Variants in KIF13A observed in about 807,000 individuals in gnomAD.
KIF13A encodes kinesin family member 13A.
A neutral mutation model predicts 212.2 loss-of-function variants in KIF13A; 79 were observed. That is an observed-to-expected ratio of 0.37 (90% confidence interval 0.31 to 0.45). The LOEUF is 0.45. Ranked by LOEUF, KIF13A falls within the 20% of genes least tolerant of loss-of-function variation. The pLI, the probability that KIF13A is intolerant of heterozygous loss-of-function variation, is 1.00. For synonymous variants in KIF13A, 789 were observed against 808.6 expected, an observed-to-expected ratio of 0.98 and a Z score of 0.41; for missense variants, 1,901 against 2,209.0, an observed-to-expected ratio of 0.86 and a Z score of 2.79.
Position 17,856,247 on chromosome 6 carries a change from G to C in KIF13A, c.221-125C>G, listed in dbSNP as rs1382632935. ...AAGTGTAGTACCGAGTGCCCACTAA[G>C]TACAGGGCTGTGTATTAAGAGCTTG... On this transcript the variant is annotated intron_variant, in intron 4 of 38. Transcript: ENST00000259711. This position sits in a 1 kb window ranked among gnomAD's most constrained non-coding sequence, Gnocchi z 4.5. 1.5e-6 allele frequency: 1 copy of C among 645,460 alleles called. No individual in the cohort carries two copies. Among genetic ancestry groups the C allele is most frequent in the Non-Finnish European group, 2.7e-6 (1 of 368,560 alleles). The allele number at this position is 645,460 out of a possible 1,614,324, so 40.0% of individuals were successfully genotyped here.
Position 17,987,138 on chromosome 6 carries a change from T to C in KIF13A, c.62A>G (p.Glu21Gly). ...CTCCACCACGCACTTGGTGTTCAGT[T>C]CCAGTTCTGAAAGCAGAGAGAAAGG... ...RVRPMNRREL[E>G]LNTKCVVEME... Residue 21 changes from glutamate (E) to glycine (G), a missense_variant, in exon 2 of 39, where the codon GAA becomes GGA. Glu to Gly is a moderately conservative substitution (Grantham distance 98, BLOSUM62 -2). Coordinates refer to ENST00000259711, the MANE Select transcript of KIF13A (RefSeq NM_022113.6). The surrounding 1 kb of genome is among the most constrained non-coding windows in gnomAD (Gnocchi z 7.7). 6.2e-7 allele frequency: 1 copy of C among 1,611,760 alleles called. No homozygotes were observed. The highest frequency in any genetic ancestry group is 8.5e-7 in the Non-Finnish European group (1 of 1,178,414).
chr6:17,899,904 T>C lies in KIF13A; in HGVS notation c.147-1724A>G, dbSNP rs746065481. On this transcript the variant is annotated intron_variant, in intron 2 of 38. Coordinates refer to ENST00000259711, the MANE Select transcript of KIF13A (RefSeq NM_022113.6). This position sits in a 1 kb window ranked among gnomAD's most constrained non-coding sequence, Gnocchi z 5.2. ...TACAAAAAACTTGAGATTTCTGCCATGAAAATTTCCTTAAGTGGAAGACAA... is the reference window on the plus strand; with the variant it reads ...TACAAAAAACTTGAGATTTCTGCCACGAAAATTTCCTTAAGTGGAAGACAA... Among the ~76,000 whole-genome samples, 3 of 152,214 alleles carry C rather than the reference T, an allele frequency of 2.0e-5. No individual in the cohort carries two copies. The highest frequency in any genetic ancestry group is 4.4e-5 in the Non-Finnish European group (3 of 68,032).
chr6:17,814,110 G>A (rs1763692470), intron 17 of KIF13A, among the ~76,000 whole-genome samples: 1 of 150,554 alleles, frequency 6.6e-6, no homozygotes, highest in Non-Finnish European at 1.5e-5. Context: ...CCGCCACCAC[G>A]CCCGGCTAAT....
rs1769993721 is a variant in KIF13A at position 17,871,340 on chromosome 6, CT to C, written c.220+2036del. ...ATTTTCTCTCTTTAAAATCTGGTGC[CT>C]TTTCTCTTTCTCTTTAAAATCTGGT... On this transcript the variant is annotated intron_variant, in intron 4 of 38. Transcript: ENST00000259711. This position sits in a 1 kb window ranked among gnomAD's most constrained non-coding sequence, Gnocchi z 4.4. Among the ~76,000 whole-genome samples, 1 of 152,046 alleles carries C rather than the reference CT, an allele frequency of 6.6e-6. No individual in the cohort carries two copies. Among genetic ancestry groups the C allele is most frequent in the Non-Finnish European group, 1.5e-5 (1 of 68,002 alleles).
At chr6:17,985,646 GA>G (rs1490191165) in intron 2 of KIF13A, among the ~76,000 whole-genome samples, 123 of 84,886 alleles carry the variant, frequency 1.4e-3, no homozygotes, top group African/African-American at 6.1e-3. Context: ...GGGGTGGGGG[GA>G]GGGGACATTC....
In KIF13A at chr6:17,895,034, T is replaced by C. The variant is rs954035639; in HGVS notation, c.159+3134A>G. 6.6e-6 allele frequency among the ~76,000 whole-genome samples: 1 copy of C among 152,236 alleles called. No homozygotes were observed. On this transcript the variant is annotated intron_variant, in intron 3 of 38. Transcript: ENST00000259711. This position sits in a 1 kb window ranked among gnomAD's most constrained non-coding sequence, Gnocchi z 4.4. The stretch of plus-strand genomic sequence containing the variant: ...TAAGAAAGGATTAAAAACAGCTGGA[T>C]CTATCTGCTGCTAAACCCTTGCACT...
intron 4 of KIF13A, among the ~76,000 whole-genome samples, chr6:17,863,252 A>G (rs1327849563): frequency 1.3e-5 from 2 of 152,164 alleles, no homozygotes; most frequent in African/African-American, 4.8e-5. Flanking sequence ...AAGGGGGTGG[A>G]GGACAGAAAG....
At position 17,784,501 on chromosome 6, in the gene KIF13A, C is replaced by T. The variant is rs573791857; in HGVS notation, c.3489-800G>A. The stretch of plus-strand genomic sequence containing the variant: ...CAGAGGCCTCTTAAAGTGAAGAGTC[C>T]CTTTAGAAATGCAAATTCTTATTTA... On this transcript the variant is annotated intron_variant, in intron 28 of 38. Coordinates refer to ENST00000259711, the MANE Select transcript of KIF13A (RefSeq NM_022113.6). 6.6e-5 allele frequency among the ~76,000 whole-genome samples: 10 copies of T among 152,096 alleles called. No homozygotes were observed. The East Asian group carries it at 1.9e-3, about 29-fold the overall frequency.
intron 2 of KIF13A, among the ~76,000 whole-genome samples, chr6:17,927,487 AG>A (rs1218502399): frequency 6.6e-6 from 1 of 152,176 alleles, no homozygotes; most frequent in African/African-American, 2.4e-5. Flanking sequence ...GTAGAAGAGC[AG>A]TTCCCAGGGG....
chr6:17,908,531 G>A (rs1773732496), intron 2 of KIF13A, among the ~76,000 whole-genome samples: 2 of 152,148 alleles, frequency 1.3e-5, no homozygotes, highest in Non-Finnish European at 2.9e-5. Flanking sequence ...TTGAGCCCGG[G>A]AGATTGAGGC....
At chr6:17,806,130 G>C (rs1198755662) in intron 18 of KIF13A, among the ~76,000 whole-genome samples, 2 of 151,818 alleles carry the variant, frequency 1.3e-5, no homozygotes, top group African/African-American at 4.8e-5. Context: ...ATGGGGTTTT[G>C]TTATGTTGCC....
Position 17,783,713 on chromosome 6 carries a change from A to G in KIF13A, c.3489-12T>C. ...CAGGAGGTGGGATCCTAAATTTAAT[A>G]ACAACATTTAATCATAACAAAATAT... On this transcript the variant is annotated splice_polypyrimidine_tract_variant and intron_variant, in intron 28 of 38. Coordinates refer to ENST00000259711, the MANE Select transcript of KIF13A (RefSeq NM_022113.6). The surrounding 1 kb of genome is among the most constrained non-coding windows in gnomAD (Gnocchi z 4.3). 6.6e-7 allele frequency: 1 copy of G among 1,511,086 alleles called. No homozygotes were observed. The highest frequency in any genetic ancestry group is 2.4e-5 in the East Asian group (1 of 42,336). 93.6% of individuals were successfully genotyped at this position (1,511,086 alleles called of 1,614,324 possible).
chr6:17,898,267 G>C lies in KIF13A; in HGVS notation c.147-87C>G. On this transcript the variant is annotated intron_variant, in intron 2 of 38. Coordinates refer to ENST00000259711, the MANE Select transcript of KIF13A (RefSeq NM_022113.6). The surrounding 1 kb of genome is among the most constrained non-coding windows in gnomAD (Gnocchi z 5.2). ...CACATCAGAGGGAAACAATGAAAGA[G>C]AAAAAAATAAGGTAAATTCAGCACC... 7.6e-7 allele frequency: 1 copy of C among 1,313,194 alleles called. No homozygotes were observed. The allele number at this position is 1,313,194 out of a possible 1,614,324, so 81.3% of individuals were successfully genotyped here.
rs766308305 is a variant in KIF13A at position 17,912,010 on chromosome 6, C to T, written c.147-13830G>A. Among the ~76,000 whole-genome samples the T allele has an allele frequency of 1.2e-4, 18 of 151,990 alleles. No homozygotes were observed. Among genetic ancestry groups the T allele is most frequent in the Non-Finnish European group, 2.5e-4 (17 of 67,996 alleles). ...AACTCCTGAGCTCAGGCGATTACCC[C>T]GTCTTGGGCTCCCAAAGTGCTGGGA... On this transcript the variant is annotated intron_variant, in intron 2 of 38. Transcript: ENST00000259711. This position sits in a 1 kb window ranked among gnomAD's most constrained non-coding sequence, Gnocchi z 4.2.
At position 17,805,629 on chromosome 6, in the gene KIF13A, AAAAAC is replaced by A. The variant is rs1762872313; in HGVS notation, c.2164-19_2164-15del. 2 of 1,584,118 alleles carry A rather than the reference AAAAAC, an allele frequency of 1.3e-6. No individual in the cohort carries two copies. The highest frequency in any genetic ancestry group is 1.7e-6 in the Non-Finnish European group (2 of 1,163,994). Reference sequence around the variant, plus strand: ...TATTGCACCTCTCTGCATAAGGAAGAAAAACAAAACAAACCCTGTTATAACTCCTT... The same window carrying A: ...TATTGCACCTCTCTGCATAAGGAAGAAAAACAAACCCTGTTATAACTCCTT... On this transcript the variant is annotated splice_polypyrimidine_tract_variant and intron_variant, in intron 18 of 38. Coordinates refer to ENST00000259711, the MANE Select transcript of KIF13A (RefSeq NM_022113.6).
At position 17,888,740 on chromosome 6, in the gene KIF13A, G is replaced by C. The variant is rs1771774982; in HGVS notation, c.159+9428C>G. Among the ~76,000 whole-genome samples, 1 of 152,112 alleles carries C rather than the reference G, an allele frequency of 6.6e-6. No individual in the cohort carries two copies. Among genetic ancestry groups the C allele is most frequent in the Non-Finnish European group, 1.5e-5 (1 of 68,006 alleles). On this transcript the variant is annotated intron_variant, in intron 3 of 38. Transcript: ENST00000259711. This position sits in a 1 kb window ranked among gnomAD's most constrained non-coding sequence, Gnocchi z 4.8. Reference sequence around the variant, plus strand: ...CTTGGAAGGCTGAGGTGAGAGAATTGCTTGAACCTAGGAGGTGGAGGTTGC... The same window carrying C: ...CTTGGAAGGCTGAGGTGAGAGAATTCCTTGAACCTAGGAGGTGGAGGTTGC...
At position 17,799,296 on chromosome 6, in the gene KIF13A, G is replaced by A; in HGVS notation, c.2760C>T (p.Ala920=). The change falls in exon 22 of 39, where the codon GCC becomes GCT. Residue 920 remains alanine, a synonymous_variant. Transcript: ENST00000259711. The surrounding 1 kb of genome is among the most constrained non-coding windows in gnomAD (Gnocchi z 4.4). ...PEVPSPQSKD[A]QYTVTFSHCK... is the part of the protein sequence containing the mutation. ...AGTGGGAGAAGGTCACTGTGTACTG[G>A]GCATCCTTGGACTGTGGTGAAGGCA... The A allele has an allele frequency of 6.2e-7, 1 of 1,610,618 alleles. No individual in the cohort carries two copies. The highest frequency in any genetic ancestry group is 8.5e-7 in the Non-Finnish European group (1 of 1,178,356).
At chr6:17,833,800 G>A (rs1231756024) in intron 12 of KIF13A, among the ~76,000 whole-genome samples, 161 bp downstream of exon 12, 2 of 141,176 alleles carry the variant, frequency 1.4e-5, no homozygotes, top group African/African-American at 5.2e-5. Context: ...AGGTTGCAGT[G>A]AGTCGAGATC....
At position 17,898,235 on chromosome 6, in the gene KIF13A, C is replaced by A. The variant is rs555731393; in HGVS notation, c.147-55G>T. 1.4e-4 allele frequency: 209 copies of A among 1,540,320 alleles called. 1 individual carries two copies. Among genetic ancestry groups the A allele is most frequent in the Non-Finnish European group, 3.7e-5 (41 of 1,117,364 alleles). On this transcript the variant is annotated intron_variant, in intron 2 of 38. Coordinates refer to ENST00000259711, the MANE Select transcript of KIF13A (RefSeq NM_022113.6). The surrounding 1 kb of genome is among the most constrained non-coding windows in gnomAD (Gnocchi z 5.2). The stretch of plus-strand genomic sequence containing the variant: ...GCAGGGATACAGAGGGTTGTCAACA[C>A]AGCAGCCACATCAGAGGGAAACAAT...
Sources: gnomAD v4.1 joint callset for allele counts (sites outside exome capture counted in the v4.1 genomes callset) on GRCh38, gnomAD v4.1.1 for gene constraint, Gnocchi (gnomAD v3.1) non-coding constraint, MANE v1.5 for transcripts, NCBI Gene and HGNC (gene_info 2026-07-23, HGNC 2026-07-21) for gene names.